Variants in ACTR10 observed in about 807,000 individuals in gnomAD.
ACTR10 encodes actin-related protein 10.
Under a neutral mutation model 56.2 loss-of-function variants are expected in ACTR10, and 43 were observed. The observed-to-expected ratio is 0.77, with a 90% CI of 0.60 to 0.99. The LOEUF (loss-of-function observed/expected upper bound fraction) is 0.99, where lower values mean the gene tolerates loss of function less well. Among genes scored for constraint, ACTR10 ranks in the 50% least tolerant of loss-of-function variants. The pLI, the probability that ACTR10 is intolerant of heterozygous loss-of-function variation, is 0.00. For synonymous variants in ACTR10, 170 were observed against 176.3 expected (o/e 0.96, Z 0.28); for missense variants, 466 against 507.8 (o/e 0.92, Z 0.79).
At chr14:58,233,096 C>T (rs36041462) in intron 12 of ACTR10, among the ~76,000 whole-genome samples, 2 of 151,884 alleles carry the variant, frequency 1.3e-5, no homozygotes, top group African/African-American at 2.4e-5. Context: ...TGGTCTCAAA[C>T]TCCTGACCTC....
Position 58,209,041 on chromosome 14 carries a change from C to T in ACTR10, c.276C>T (p.Ile92=), listed in dbSNP as rs1888933283. The change falls in exon 4 of 13, where the codon ATC becomes ATT. Residue 92 remains isoleucine, a synonymous_variant. Coordinates refer to ENST00000254286, the MANE Select transcript of ACTR10 (RefSeq NM_018477.3). ...VNPRDRRVVI[I]ESVLCPSHFR... is the part of the protein sequence containing the mutation. ...CCAGAGACCGCCGAGTTGTGATTAT[C>T]GAATCGGTATTATGTCCTTCTCACT... 1.9e-6 allele frequency: 3 copies of T among 1,612,706 alleles called. No individual in the cohort carries two copies. Among genetic ancestry groups the T allele is most frequent in the Middle Eastern group, 1.6e-4 (1 of 6,076 alleles).
chr14:58,223,481 G>T (rs1889326857), intron 8 of ACTR10, 141 bp from the exon 9 acceptor site: 6 of 728,156 alleles, frequency 8.2e-6, no homozygotes, highest in Admixed American at 6.1e-5. Flanking sequence ...GCTAACTAAA[G>T]ATGGGAATAG....
At chr14:58,223,593 A>T in intron 8 of ACTR10, 29 bp from the exon 9 acceptor site, 1 of 1,574,264 alleles carries the variant, frequency 6.4e-7, no homozygotes, top group Non-Finnish European at 8.7e-7. Context: ...ATAACTAGCC[A>T]TAATAAGGTC....
At chr14:58,207,779 TA>T (rs1888902632) in intron 2 of ACTR10, among the ~76,000 whole-genome samples, 156 bp from the exon 3 acceptor site, 1 of 152,254 alleles carries the variant, frequency 6.6e-6, no homozygotes. Flanking sequence ...TAAGGATTCC[TA>T]ATTTAAGAGA....
Position 58,234,777 on chromosome 14 carries a change from A to G in ACTR10, c.*226A>G. Reference sequence around the variant, plus strand: ...AGATTTGCTGTATTTATATCAATAAAGTATAGTAAAGCAGTTTGATTTTGG... The same window carrying G: ...AGATTTGCTGTATTTATATCAATAAGGTATAGTAAAGCAGTTTGATTTTGG... On this transcript the variant is annotated 3_prime_UTR_variant, in exon 13 of 13. Transcript: ENST00000254286. 1 of 359,980 alleles carries G rather than the reference A, an allele frequency of 2.8e-6. No homozygotes were observed. Among genetic ancestry groups the G allele is most frequent in the South Asian group, 1.1e-4 (1 of 9,448 alleles). 22.3% of individuals were successfully genotyped at this position (359,980 alleles called of 1,614,324 possible). A position where few individuals can be genotyped will look rare whatever the true frequency, so the allele number is the denominator to read the frequency against.
intron 2 of ACTR10, among the ~76,000 whole-genome samples, chr14:58,204,920 A>G (rs1888818732): frequency 6.6e-6 from 1 of 152,176 alleles, no homozygotes; most frequent in African/African-American, 2.4e-5. Context: ...GCATATAAGC[A>G]TATTTGGTTT....
rs768075462 is a variant in ACTR10 at position 58,209,006 on chromosome 14, T to C, written c.241T>C (p.Leu81=). The C allele has an allele frequency of 8.1e-6, 13 of 1,607,444 alleles. 1 individual carries two copies. The South Asian group carries it at 1.3e-4, about 17-fold the overall frequency. Reference sequence around the variant, plus strand: ...AAAACTTTCACTTTTCAGGCATCTATTGGTGAATCCCAGAGACCGCCGAGT... The same window carrying C: ...AAAACTTTCACTTTTCAGGCATCTACTGGTGAATCCCAGAGACCGCCGAGT... ...FIHILYFRHL[L]VNPRDRRVVI... The change falls in exon 4 of 13, where the codon TTG becomes CTG. Residue 81 remains leucine (L), a synonymous_variant. Transcript: ENST00000254286.
chr14:58,210,370 C>A (rs1440675632), intron 4 of ACTR10, among the ~76,000 whole-genome samples: 3 of 152,072 alleles, frequency 2.0e-5, no homozygotes, highest in African/African-American at 4.8e-5. Context: ...GTGGCATGCA[C>A]CTGTAGTCCC....
intron 2 of ACTR10, among the ~76,000 whole-genome samples, chr14:58,206,367 G>A (rs1186449349): frequency 6.6e-6 from 1 of 151,160 alleles, no homozygotes; most frequent in African/African-American, 2.4e-5. Context: ...ATTTTTAGTA[G>A]AGACGGGGTT....
chr14:58,231,534 G>C (rs945940688), intron 11 of ACTR10, among the ~76,000 whole-genome samples: 20 of 152,178 alleles, frequency 1.3e-4, no homozygotes, highest in African/African-American at 4.8e-4. Flanking sequence ...CATTGCCTTG[G>C]AAGATATGTT....
chr14:58,231,137 T>C (rs752404055), intron 11 of ACTR10: 2 of 288,754 alleles, frequency 6.9e-6, no homozygotes, highest in South Asian at 5.3e-5. Flanking sequence ...CAGCACAACC[T>C]CCGCCCCCGG....
intron 11 of ACTR10, among the ~76,000 whole-genome samples, 187 bp from the exon 12 acceptor site, chr14:58,231,879 G>T (rs1285257681): frequency 6.6e-6 from 1 of 151,946 alleles, no homozygotes; most frequent in African/African-American, 2.4e-5. Context: ...GTTTATGGTG[G>T]TTATATTTGC....
chr14:58,218,945 C>T (rs1265977715), intron 7 of ACTR10, among the ~76,000 whole-genome samples: 1 of 152,136 alleles, frequency 6.6e-6, no homozygotes, highest in Non-Finnish European at 1.5e-5. Context: ...GCCTCATTCT[C>T]CTGAGTAGCT....
intron 5 of ACTR10, chr14:58,212,984 G>C (rs770699517): frequency 6.6e-6 from 1 of 152,264 alleles, no homozygotes; most frequent in Non-Finnish European, 1.5e-5. Context: ...CGGGTGTGGT[G>C]GCACATGCCT....
intron 1 of ACTR10, among the ~76,000 whole-genome samples, chr14:58,201,205 C>T (rs1174622156): frequency 2.6e-5 from 4 of 152,008 alleles, no homozygotes; most frequent in Admixed American, 6.5e-5. Flanking sequence ...AAAATTGGAC[C>T]CCAGGAACTC....
intron 10 of ACTR10, among the ~76,000 whole-genome samples, chr14:58,228,681 CTTTTTTTTTTT>C (rs35498207): frequency 3.4e-4 from 14 of 40,766 alleles, no homozygotes; most frequent in South Asian, 1.8e-3. Context: ...GCAAGACAGA[CTTTTTTTTTTT>C]TTTTTTTTTT....
In ACTR10 at chr14:58,217,800, T is replaced by G. The variant is rs930088592; in HGVS notation, c.599-1894T>G. On this transcript the variant is annotated intron_variant, in intron 7 of 12. Coordinates refer to ENST00000254286, the MANE Select transcript of ACTR10 (RefSeq NM_018477.3). ...GAATTTTGAATGAGCCTCTTTCATT[T>G]AGTGTTTAGAACTTAGTTTAAAAAA... is the stretch of plus-strand genomic sequence containing the variant. Among the ~76,000 whole-genome samples the G allele has an allele frequency of 2.0e-5, 3 of 152,352 alleles. No homozygotes were observed. The East Asian group carries it at 5.8e-4, about 29-fold the overall frequency.
chr14:58,200,505 G>A (rs1181991365), intron 1 of ACTR10, among the ~76,000 whole-genome samples: 2 of 152,172 alleles, frequency 1.3e-5, no homozygotes, highest in Non-Finnish European at 2.9e-5. Context: ...GAGAGGCCCA[G>A]AAAGCTTCTG....
At chr14:58,221,564 C>T (rs1199138628) in intron 8 of ACTR10, among the ~76,000 whole-genome samples, 1 of 151,980 alleles carries the variant, frequency 6.6e-6, no homozygotes, top group Non-Finnish European at 1.5e-5. Flanking sequence ...CAGACCACTG[C>T]ACTCTAGCTT....
Sources: gnomAD v4.1 joint callset for allele counts (sites outside exome capture counted in the v4.1 genomes callset) on GRCh38, gnomAD v4.1.1 for gene constraint, MANE v1.5 for transcripts, NCBI Gene and HGNC (gene_info 2026-07-23, HGNC 2026-07-21) for gene names.